The following CCDC186 variants were observed in gnomAD, a reference collection of about 807,000 sequenced individuals.
The protein encoded by CCDC186 is coiled-coil domain-containing protein 186.
A neutral mutation model predicts 113.7 loss-of-function variants in CCDC186; 49 were observed. The observed-to-expected ratio is 0.43, with a 90% CI of 0.34 to 0.55. The LOEUF (loss-of-function observed/expected upper bound fraction) is 0.55. Among genes scored for constraint, CCDC186 ranks in the 20% least tolerant of loss-of-function variants. The pLI, the probability that CCDC186 is intolerant of heterozygous loss-of-function variation, is 0.02. For missense variants in CCDC186, 890 were observed against 1,011.1 expected (o/e 0.88, Z 1.62); for synonymous variants, 355 against 345.8 (o/e 1.03, Z -0.30).
intron 2 of CCDC186, among the ~76,000 whole-genome samples, chr10:114,160,428 A>C (rs984043158): frequency 2.0e-5 from 3 of 152,220 alleles, no homozygotes; most frequent in Non-Finnish European, 4.4e-5. Context: ...TTCAGTTATA[A>C]AATGAGTAAG....
chr10:114,144,678 T>A (rs928624546), intron 5 of CCDC186, 62 bp from the exon 6 acceptor site: 3 of 1,414,190 alleles, frequency 2.1e-6, no homozygotes, highest in African/African-American at 2.9e-5. Flanking sequence ...ATATCTTTTA[T>A]ATTCCCCACA....
intron 6 of CCDC186, among the ~76,000 whole-genome samples, chr10:114,143,346 T>A (rs1296730580): frequency 2.0e-5 from 3 of 152,202 alleles, no homozygotes; most frequent in Non-Finnish European, 4.4e-5. Context: ...ACCACAGATA[T>A]CAGACATGAC....
chr10:114,131,245 GCTTTAA>G lies in CCDC186; in HGVS notation c.1997_2002del (p.Val666_Lys667del). The G allele has an allele frequency of 6.2e-7, 1 of 1,603,430 alleles. No individual in the cohort carries two copies. The highest frequency in any genetic ancestry group is 8.5e-7 in the Non-Finnish European group (1 of 1,175,520). On this transcript the variant is annotated inframe_deletion, in exon 12 of 16. Coordinates refer to ENST00000369287, the MANE Select transcript of CCDC186 (RefSeq NM_018017.4). Reference sequence around the variant, plus strand: ...TAATTCTTCTACCTGGGTACTCAATGCTTTAACTTCTGTTTGTCTACAAGCGAGTTC... The same window carrying G: ...TAATTCTTCTACCTGGGTACTCAATGCTTCTGTTTGTCTACAAGCGAGTTC...
In CCDC186 at chr10:114,144,595, T is replaced by C. The variant is rs770799116; in HGVS notation, c.1123A>G (p.Ile375Val). 26 of 1,612,216 alleles carry C rather than the reference T, an allele frequency of 1.6e-5. No homozygotes were observed. The highest frequency in any genetic ancestry group is 3.3e-4 in the Middle Eastern group (2 of 6,076). Residue 375 changes from isoleucine to valine, a missense_variant, in exon 6 of 16, where the codon ATC becomes GTC. By Grantham distance (29) the Ile-to-Val change is conservative. Coordinates refer to ENST00000369287, the MANE Select transcript of CCDC186 (RefSeq NM_018017.4). ...ETKEGETTRL[I>V]REIDKLKEDI... is the part of the protein sequence containing the mutation. ...TCCTTTAATTTGTCTATTTCTCTGA[T>C]GAGTCTAGTCGTTTCGCCTTCCTAA...
intron 6 of CCDC186, 50 bp downstream of exon 6, chr10:114,144,447 A>G: frequency 3.8e-6 from 6 of 1,558,866 alleles, no homozygotes; most frequent in African/African-American, 1.4e-5. Context: ...ACAAAAACAA[A>G]AACAAAAAAA....
chr10:114,170,044 C>T (rs2032449055), intron 1 of CCDC186, among the ~76,000 whole-genome samples: 1 of 152,134 alleles, frequency 6.6e-6, no homozygotes, highest in Admixed American at 6.5e-5. Flanking sequence ...ACTACAGGTG[C>T]ATGCCACCAT....
chr10:114,162,549 C>T, intron 2 of CCDC186, 88 bp downstream of exon 2: 1 of 997,636 alleles, frequency 1.0e-6, no homozygotes, highest in South Asian at 1.9e-5. Context: ...TAAAAATGAA[C>T]AAAATGGTAT....
intron 4 of CCDC186, 29 bp downstream of exon 4, chr10:114,151,063 G>C (rs1049368441): frequency 1.9e-6 from 3 of 1,604,988 alleles, no homozygotes; most frequent in Non-Finnish European, 1.7e-6. Context: ...AGAATATCAA[G>C]TTAATAATGA....
At chr10:114,134,816 A>C in intron 10 of CCDC186, 97 bp downstream of exon 10, 1 of 1,390,596 alleles carries the variant, frequency 7.2e-7, no homozygotes, top group Non-Finnish European at 9.7e-7. Flanking sequence ...TAAAATTGTA[A>C]AATTTTTTGT....
At chr10:114,149,250 C>A (rs1257118684) in intron 4 of CCDC186, among the ~76,000 whole-genome samples, 2 of 152,176 alleles carry the variant, frequency 1.3e-5, no homozygotes, top group Non-Finnish European at 2.9e-5. Context: ...TTAGCATCAT[C>A]TACACTCTTC....
intron 1 of CCDC186, among the ~76,000 whole-genome samples, chr10:114,172,057 G>A (rs1218121012): frequency 1.3e-5 from 2 of 152,096 alleles, no homozygotes; most frequent in Admixed American, 6.5e-5. Context: ...TAAACTCAGT[G>A]ATATGTTTAT....
chr10:114,157,827 T>G (rs2032056453), intron 2 of CCDC186, 147 bp from the exon 3 acceptor site: 1 of 659,632 alleles, frequency 1.5e-6, no homozygotes, highest in Non-Finnish European at 2.3e-6. Context: ...ATAATCATTT[T>G]ATAGTGAAAC....
intron 6 of CCDC186, among the ~76,000 whole-genome samples, chr10:114,138,187 C>A (rs1415626681): frequency 1.4e-5 from 2 of 147,616 alleles, no homozygotes; most frequent in African/African-American, 5.0e-5. Context: ...TTGCAGTGAG[C>A]CGAGACTGCA....
intron 3 of CCDC186, among the ~76,000 whole-genome samples, chr10:114,155,811 C>A (rs1050558459): frequency 6.6e-6 from 1 of 152,116 alleles, no homozygotes; most frequent in Non-Finnish European, 1.5e-5. Flanking sequence ...TATTTTTATA[C>A]TAACTCTTCT....
rs1464095851 is a variant in CCDC186, at chr10:114,137,128, A to G, written c.1326+58T>C. 7 of 1,334,230 alleles carry G rather than the reference A, an allele frequency of 5.2e-6. No individual in the cohort carries two copies. In the African/African-American group the frequency reaches 1.0e-4, roughly 19 times the overall value. The allele number at this position is 1,334,230 out of a possible 1,614,324, so 82.6% of individuals were successfully genotyped here. On this transcript the variant is annotated intron_variant, in intron 7 of 15. Coordinates refer to ENST00000369287, the MANE Select transcript of CCDC186 (RefSeq NM_018017.4). ...CGAGACTCCATCTAAAAAAAGAAAAAGAGAGAACTGATATTTGCTAAAATT... is the reference window on the plus strand; with the variant it reads ...CGAGACTCCATCTAAAAAAAGAAAAGGAGAGAACTGATATTTGCTAAAATT...
At chr10:114,165,849 C>T in intron 1 of CCDC186, 4 of 685,854 alleles carry the variant, frequency 5.8e-6, no homozygotes, top group Non-Finnish European at 6.8e-6. Context: ...CACTTTGTCT[C>T]AAAAAAAAAA....
At chr10:114,161,873 T>C (rs1164757477) in intron 2 of CCDC186, 1 of 152,192 alleles carries the variant, frequency 6.6e-6, no homozygotes, top group Non-Finnish European at 1.5e-5. Context: ...AATGAAATTC[T>C]GACATGTTAC....
At chr10:114,133,430 T>C (rs1430522125) in intron 10 of CCDC186, among the ~76,000 whole-genome samples, 1 of 152,214 alleles carries the variant, frequency 6.6e-6, no homozygotes. Context: ...GAGGTATCTT[T>C]AATACTTGTG....
At chr10:114,134,114 T>C (rs997719820) in intron 10 of CCDC186, among the ~76,000 whole-genome samples, 16 of 152,088 alleles carry the variant, frequency 1.1e-4, no homozygotes, top group Non-Finnish European at 7.4e-5. Context: ...CAGCAGAAAA[T>C]ATGGCTGCAG....
Sources: allele counts gnomAD v4.1 joint callset (sites outside exome capture counted in the v4.1 genomes callset), GRCh38; gene constraint gnomAD v4.1.1; transcripts MANE v1.5; gene names NCBI Gene and HGNC (gene_info 2026-07-23, HGNC 2026-07-21).